Variants in PAX3 observed in about 807,000 individuals in gnomAD.
The protein encoded by PAX3 is paired box 3, also known as paired box protein Pax-3.
Under a neutral mutation model 51.6 loss-of-function variants are expected in PAX3, and 14 were observed. The ratio of observed to expected loss-of-function variants is 0.27; its 90% CI spans 0.18 to 0.42. PAX3 has a LOEUF of 0.42. Among genes scored for constraint, PAX3 ranks in the 10% least tolerant of loss-of-function variants. The pLI is 1.00. For synonymous variants in PAX3, 280 were observed against 253.4 expected (o/e 1.11, Z -1.00); for missense variants, 540 against 642.8 (o/e 0.84, Z 1.73).
At chr2:222,232,309 C>G (rs1559272580) in intron 4 of PAX3, 26 bp from the exon 5 acceptor site, 2 of 1,595,828 alleles carry the variant, frequency 1.3e-6, no homozygotes, top group Non-Finnish European at 1.7e-6. Flanking sequence ...AACAAAACAT[C>G]ATAAAATGTG....
At position 222,291,235 on chromosome 2, in the gene PAX3, C is replaced by T. The variant is rs200623879; in HGVS notation, c.586+2932G>A. Reference sequence around the variant, plus strand: ...TGCCTCGGCCAGGACTTGGCTCCCCCGGCTGCCTCTGCTCCAGTCTCAGCG... The same window carrying T: ...TGCCTCGGCCAGGACTTGGCTCCCCTGGCTGCCTCTGCTCCAGTCTCAGCG... On this transcript the variant is annotated intron_variant, in intron 4 of 8. Transcript: ENST00000392070. Among the ~76,000 whole-genome samples, 30 of 152,276 alleles carry T rather than the reference C, an allele frequency of 2.0e-4. No homozygotes were observed. In the East Asian group the frequency reaches 4.5e-3, roughly 23 times the overall value.
At position 222,243,822 on chromosome 2, in the gene PAX3, T is replaced by C. The variant is rs550822782; in HGVS notation, c.587-11539A>G. Among the ~76,000 whole-genome samples the C allele has an allele frequency of 6.0e-4, 91 of 152,304 alleles. 1 individual carries two copies. The South Asian group carries it at 0.018, about 30-fold the overall frequency. On this transcript the variant is annotated intron_variant, in intron 4 of 8. Coordinates refer to ENST00000392070, the MANE Select transcript of PAX3 (RefSeq NM_181458.4). ...GGTCAATTATTGCTTGTTGGAAGAT[T>C]GAAAGAGGTAATAACTGAACATAGG...
chr2:222,236,105 A>T (rs1692789006), intron 4 of PAX3, among the ~76,000 whole-genome samples: 1 of 152,254 alleles, frequency 6.6e-6, no homozygotes, highest in Admixed American at 6.5e-5. Flanking sequence ...AAATATGTAA[A>T]GTCAGCAACC....
Position 222,294,206 on chromosome 2 carries a change from T to G in PAX3, c.547A>C (p.Lys183Gln), listed in dbSNP as rs766433399. Residue 183 changes from lysine to glutamine, a missense_variant, in exon 4 of 9, where the codon AAG becomes CAG. Physicochemically the swap from Lys to Gln is moderately conservative, Grantham distance 53. Transcript: ENST00000392070. ...ERKEAEESEK[K>Q]AKHSIDGILS... ...ATGCCGTCGATGCTGTGTTTGGCCT[T>G]CTTCTCGCTTTCCTCTGCCTCCTTC... The G allele has an allele frequency of 9.9e-6, 16 of 1,614,162 alleles. No individual in the cohort carries two copies. Among genetic ancestry groups the G allele is most frequent in the Non-Finnish European group, 1.4e-5 (16 of 1,179,998 alleles).
At chr2:222,238,738 T>C (rs1380294619) in intron 4 of PAX3, among the ~76,000 whole-genome samples, 2 of 152,224 alleles carry the variant, frequency 1.3e-5, no homozygotes, top group Non-Finnish European at 2.9e-5. Context: ...TACTCCCAGC[T>C]GTGTTTCACT....
chr2:222,233,573 C>T lies in PAX3; in HGVS notation c.587-1290G>A, dbSNP rs116361513. Among the ~76,000 whole-genome samples the T allele has an allele frequency of 4.8e-3, 728 of 152,206 alleles. 6 individuals are homozygous for T. Among genetic ancestry groups the T allele is most frequent in the African/African-American group, 0.017 (689 of 41,520 alleles). ...GAACCCTTACAGTAATAGAGCAACG[C>T]TGGCTATAGAGGGTTCTGCAGTGTG... On this transcript the variant is annotated intron_variant, in intron 4 of 8. Coordinates refer to ENST00000392070, the MANE Select transcript of PAX3 (RefSeq NM_181458.4).
chr2:222,288,548 G>C (rs1414126221), intron 4 of PAX3, among the ~76,000 whole-genome samples: 1 of 152,102 alleles, frequency 6.6e-6, no homozygotes, highest in East Asian at 1.9e-4. Flanking sequence ...ATAAAAATCT[G>C]CTATGTTTTC....
intron 7 of PAX3, among the ~76,000 whole-genome samples, chr2:222,212,455 C>T (rs1691776124): frequency 6.6e-6 from 1 of 152,166 alleles, no homozygotes; most frequent in Non-Finnish European, 1.5e-5. Flanking sequence ...AATTTGCCAT[C>T]TGTTCCATTG....
intron 4 of PAX3, among the ~76,000 whole-genome samples, chr2:222,235,903 G>A (rs1230289445): frequency 1.3e-5 from 2 of 152,178 alleles, no homozygotes; most frequent in Non-Finnish European, 2.9e-5. Flanking sequence ...AAAAGCAATG[G>A]AAAGGTTGCA....
chr2:222,293,092 C>T (rs45471695), intron 4 of PAX3, among the ~76,000 whole-genome samples: 21,324 of 152,206 alleles, frequency 0.14, 1,840 homozygotes, highest in Non-Finnish European at 0.19. Context: ...CAGTCGGCAA[C>T]GGCTGTGAGC....
intron 4 of PAX3, among the ~76,000 whole-genome samples, chr2:222,235,247 A>C (rs1348275945): frequency 6.6e-6 from 1 of 152,162 alleles, no homozygotes; most frequent in Non-Finnish European, 1.5e-5. Flanking sequence ...CATTCCCCAG[A>C]ATATAAACTG....
Position 222,298,284 on chromosome 2 carries a change from CA to C in PAX3, c.85+246del, listed in dbSNP as rs1254889901. ...CGCGGCATTTCCAAAACAACAGGGA[CA>C]AGTCTCCCCGGCTCGCCGCAGGCCT... On this transcript the variant is annotated intron_variant, in intron 1 of 8. Transcript: ENST00000392070. 3 of 548,354 alleles carry C rather than the reference CA, an allele frequency of 5.5e-6. No homozygotes were observed. The Admixed American group carries it at 9.6e-5, about 17-fold the overall frequency. The allele number at this position is 548,354 out of a possible 1,614,324, so 34.0% of individuals were successfully genotyped here. A position where few individuals can be genotyped will look rare whatever the true frequency, so the allele number is the denominator to read the frequency against.
intron 4 of PAX3, among the ~76,000 whole-genome samples, chr2:222,272,321 GAGTA>G (rs1238817545): frequency 2.0e-5 from 3 of 152,206 alleles, no homozygotes; most frequent in Non-Finnish European, 4.4e-5. Flanking sequence ...CCCAAGCATG[GAGTA>G]AGTGTTATGT....
intron 4 of PAX3, among the ~76,000 whole-genome samples, chr2:222,234,546 T>A (rs1233702187): frequency 6.6e-6 from 1 of 152,186 alleles, no homozygotes; most frequent in Non-Finnish European, 1.5e-5. Context: ...TTTGGAGCAT[T>A]AGGATGACCT....
At chr2:222,257,842 C>G (rs1043769387) in intron 4 of PAX3, among the ~76,000 whole-genome samples, 1 of 152,306 alleles carries the variant, frequency 6.6e-6, no homozygotes, top group East Asian at 1.9e-4. Flanking sequence ...CCCAGGGTCA[C>G]CCCCACGCTG....
intron 4 of PAX3, among the ~76,000 whole-genome samples, chr2:222,234,906 C>T (rs149886767): frequency 1.2e-3 from 182 of 152,282 alleles, no homozygotes; most frequent in Non-Finnish European, 1.9e-3. Flanking sequence ...AGTTTCTAAC[C>T]TTTCTTTCCA....
Position 222,230,854 on chromosome 2 carries a change from C to CAAA in PAX3, c.792+1221_792+1223dup, listed in dbSNP as rs5838938. ...TGGGTGACAGAGTGAGACTCCACCTCAAAAAAAAAAAAAAAAAAAAATCTC... is the reference window on the plus strand; with the variant it reads ...TGGGTGACAGAGTGAGACTCCACCTCAAAAAAAAAAAAAAAAAAAAAAAATCTC... On this transcript the variant is annotated intron_variant, in intron 5 of 8. Transcript: ENST00000392070. 2.3e-4 allele frequency among the ~76,000 whole-genome samples: 25 copies of CAAA among 108,670 alleles called. 1 individual carries two copies. The highest frequency in any genetic ancestry group is 3.4e-4 in the South Asian group (1 of 2,904). The allele number at this position is 108,670 out of a possible 152,430, so 71.3% of individuals were successfully genotyped here. A position where few individuals can be genotyped will look rare whatever the true frequency, so the allele number is the denominator to read the frequency against.
chr2:222,255,514 C>T (rs558514700), intron 4 of PAX3, among the ~76,000 whole-genome samples: 6 of 152,256 alleles, frequency 3.9e-5, no homozygotes, highest in Non-Finnish European at 7.3e-5. Context: ...AAATAAGGGC[C>T]TCAAAGATTA....
At chr2:222,290,441 A>C (rs1456519922) in intron 4 of PAX3, among the ~76,000 whole-genome samples, 1 of 152,220 alleles carries the variant, frequency 6.6e-6, no homozygotes, top group Non-Finnish European at 1.5e-5. Context: ...CCTATGCTTG[A>C]GATCTCTTAG....
Sources: allele counts gnomAD v4.1 joint callset (sites outside exome capture counted in the v4.1 genomes callset), GRCh38; gene constraint gnomAD v4.1.1; transcripts MANE v1.5; gene names NCBI Gene and HGNC (gene_info 2026-07-23, HGNC 2026-07-21).